B4GALT3: variants seen among roughly 807,000 people sequenced by gnomAD.
The protein encoded by B4GALT3 is N-acetyllactosamine synthase.
B4GALT3 carries 29 observed loss-of-function variants against 40.7 expected under a neutral mutation model. The ratio of observed to expected loss-of-function variants is 0.71; its 90% CI spans 0.53 to 0.97. The LOEUF is 0.97. B4GALT3 is among the 50% of genes least tolerant of loss of function. B4GALT3 has a pLI of 0.00. For synonymous variants in B4GALT3, 182 were observed against 203.9 expected, an observed-to-expected ratio of 0.89 and a Z score of 0.92; for missense variants, 390 against 522.3, an observed-to-expected ratio of 0.75 and a Z score of 2.47.
intron 1 of B4GALT3, chr1:161,177,222 A>T: frequency 1.4e-6 from 1 of 710,962 alleles, no homozygotes; most frequent in East Asian, 2.7e-5. Context: ...GCTCTTTCGG[A>T]GCACGCCCAT....
Position 161,173,607 on chromosome 1 carries a change from G to C in B4GALT3, c.801C>G (p.Thr267=). 1 of 1,613,866 alleles carries C rather than the reference G, an allele frequency of 6.2e-7. No homozygotes were observed. The highest frequency in any genetic ancestry group is 8.5e-7 in the Non-Finnish European group (1 of 1,180,006). The part of the protein sequence containing the change: ...GWGGEDDDIA[T]RVRLAGMKIS... Reference sequence around the variant, plus strand: ...GAGGAAGTGGCAGGAAGTCTGACCTGGTAGCAATGTCGTCATCCTCACCAC... The same window carrying C: ...GAGGAAGTGGCAGGAAGTCTGACCTCGTAGCAATGTCGTCATCCTCACCAC... The change falls in exon 6 of 8, where the codon ACC becomes ACG. Residue 267 remains threonine (T), a splice_region_variant and synonymous_variant. Transcript: ENST00000319769.
rs758094598 is a variant in B4GALT3, at chr1:161,175,117, C to G, written c.365G>C (p.Arg122Pro). Residue 122 changes from arginine to proline, a missense_variant, in exon 4 of 8, where the codon CGC (arginine) becomes CCC (proline). Arg to Pro is a moderately radical substitution (Grantham distance 103, BLOSUM62 -2). Transcript: ENST00000319769. ...AGGCACAATGATGGCTGTTCGGGAG[C>G]GGGGCTCACAACCTGCAGGGCGGTA... is the stretch of plus-strand genomic sequence containing the variant. ...GRYRPAGCEP[R>P]SRTAIIVPHR... 6.2e-7 allele frequency: 1 copy of G among 1,613,870 alleles called. No individual in the cohort carries two copies. Among genetic ancestry groups the G allele is most frequent in the Admixed American group, 1.7e-5 (1 of 59,998 alleles).
chr1:161,175,609 T>C (rs771471413), intron 3 of B4GALT3, among the ~76,000 whole-genome samples, 199 bp downstream of exon 3: 6 of 151,988 alleles, frequency 3.9e-5, no homozygotes, highest in East Asian at 1.9e-4. Flanking sequence ...GGAAACCCAA[T>C]AGTCTAATCT....
intron 5 of B4GALT3, 29 bp from the exon 6 acceptor site, chr1:161,173,756 C>T (rs761268452): frequency 9.9e-6 from 16 of 1,613,644 alleles, no homozygotes; most frequent in African/African-American, 5.3e-5. Context: ...TTGCATACCC[C>T]GAGTCTTCTG....
rs751099833 is a variant in B4GALT3, at chr1:161,172,013, G to A, written c.985C>T (p.Arg329Ter). The change falls in exon 8 of 8, where the codon CGA (arginine) becomes TGA (stop). Residue 329 changes from arginine to a stop codon, truncating the protein, a stop_gained. Transcript: ENST00000319769. LOFTEE classifies it high-confidence loss of function. Reference protein sequence around the residue: ...MNSLTYQLLARELGPLYTNIT... With the variant: ...MNSLTYQLLA ...TTGGTATAAAGAGGCCCCAGCTCTCGAGCCAGCAACTGGTATGTCAGTGAG... is the reference window on the plus strand; with the variant it reads ...TTGGTATAAAGAGGCCCCAGCTCTCAAGCCAGCAACTGGTATGTCAGTGAG... The A allele has an allele frequency of 5.6e-6, 9 of 1,614,206 alleles. No homozygotes were observed. The highest frequency in any genetic ancestry group is 7.6e-6 in the Non-Finnish European group (9 of 1,180,024).
In B4GALT3 at chr1:161,173,720, A is replaced by G; in HGVS notation, c.688T>C (p.Tyr230His). 1 of 1,614,160 alleles carries G rather than the reference A, an allele frequency of 6.2e-7. No homozygotes were observed. The highest frequency in any genetic ancestry group is 8.5e-7 in the Non-Finnish European group (1 of 1,180,024). ...GAGACTCCTCCGAAGTACTGGGGGT[A>G]CGGGAGGCTAGGGAGAGAAAGATCC... ...AMNKFGYSLP[Y>H]PQYFGGVSAL... The change falls in exon 6 of 8, where the codon TAC becomes CAC. Residue 230 changes from tyrosine to histidine, a missense_variant. This residue lies in a region of B4GALT3 where 135 missense variants were observed against 227.8 expected (regional missense o/e 0.59). Coordinates refer to ENST00000319769, the MANE Select transcript of B4GALT3 (RefSeq NM_003779.4).
In B4GALT3 at chr1:161,173,747, T is replaced by G; in HGVS notation, c.681-20A>C. On this transcript the variant is annotated intron_variant, in intron 5 of 7. Transcript: ENST00000319769. ...GGGAGGCTAGGGAGAGAAAGATCCT[T>G]GCATACCCCGAGTCTTCTGGGGACA... 6.2e-7 allele frequency: 1 copy of G among 1,614,010 alleles called. No individual in the cohort carries two copies. The highest frequency in any genetic ancestry group is 1.1e-5 in the South Asian group (1 of 91,080).
At chr1:161,172,456 G>A (rs764980240) in intron 6 of B4GALT3, 125 bp from the exon 7 acceptor site, 11 of 780,622 alleles carry the variant, frequency 1.4e-5, no homozygotes, top group Middle Eastern at 3.8e-4. Flanking sequence ...AAAAGCCCAG[G>A]ACAGAAGTCA....
At chr1:161,177,514 TC>T (rs1664073707), upstream of B4GALT3, 1 of 169,428 alleles carries the variant, frequency 5.9e-6, no homozygotes, top group East Asian at 1.7e-4. Context: ...GGGGGCGGGG[TC>T]TCGCGTCATG....
At chr1:161,172,724 C>T (rs1326588612) in intron 6 of B4GALT3, among the ~76,000 whole-genome samples, 1 of 152,132 alleles carries the variant, frequency 6.6e-6, no homozygotes, top group African/African-American at 2.4e-5. Context: ...TCTCCCACAT[C>T]CCCCATGTTA....
rs751401924 is a variant in B4GALT3 at position 161,173,988 on chromosome 1, C to T, written c.551G>A (p.Arg184His). Residue 184 changes from arginine (R) to histidine (H), a missense_variant, in exon 5 of 8, where the codon CGT becomes CAT. Around this residue, in one of 3 missense-constraint regions of B4GALT3, gnomAD observed 135 missense variants for 227.8 expected, o/e 0.59. Coordinates refer to ENST00000319769, the MANE Select transcript of B4GALT3 (RefSeq NM_003779.4). ...GAACAGGCAGTCCCACTCTTCATCACGCAGGGCCTCTCGCACCCCAACGTT... is the reference window on the plus strand; with the variant it reads ...GAACAGGCAGTCCCACTCTTCATCATGCAGGGCCTCTCGCACCCCAACGTT... ...LLNVGVREAL[R>H]DEEWDCLFLH... The T allele has an allele frequency of 2.0e-5, 33 of 1,614,008 alleles. No individual in the cohort carries two copies. The highest frequency in any genetic ancestry group is 1.6e-4 in the Middle Eastern group (1 of 6,084).
chr1:161,172,887 G>A (rs544892794), intron 6 of B4GALT3, among the ~76,000 whole-genome samples: 79 of 149,166 alleles, frequency 5.3e-4, no homozygotes, highest in Admixed American at 1.5e-3. Flanking sequence ...AAAAAAAAAC[G>A]AAAGAAAGAA....
intron 1 of B4GALT3, chr1:161,176,791 A>C (rs1259245827): frequency 6.8e-7 from 1 of 1,460,442 alleles, no homozygotes; most frequent in Non-Finnish European, 9.3e-7. Context: ...CCCCACCCCA[A>C]CAGGACAGAT....
chr1:161,174,854 G>A, intron 4 of B4GALT3, 139 bp downstream of exon 4: 1 of 847,590 alleles, frequency 1.2e-6, no homozygotes, highest in African/African-American at 1.7e-5. Context: ...GAAGAGCAGT[G>A]CCGGGTGCTT....
chr1:161,177,117 A>G, intron 1 of B4GALT3: 1 of 1,504,666 alleles, frequency 6.6e-7, no homozygotes, highest in Non-Finnish European at 8.9e-7. Flanking sequence ...CTGAAGAGAA[A>G]GGGAGAGGGA....
In B4GALT3 at chr1:161,171,636, A is replaced by T; in HGVS notation, c.*180T>A. 2.6e-6 allele frequency: 2 copies of T among 775,446 alleles called. No homozygotes were observed. The highest frequency in any genetic ancestry group is 4.0e-6 in the Non-Finnish European group (2 of 494,100). 48.0% of individuals were successfully genotyped at this position (775,446 alleles called of 1,614,324 possible). On this transcript the variant is annotated 3_prime_UTR_variant, in exon 8 of 8. Transcript: ENST00000319769. ...CCTACAGGAGACCCTAGAGAGAGGG[A>T]CCCCTCAGGTCTACAGGAGCCCAGC...
At position 161,177,470 on chromosome 1, in the gene B4GALT3, G is replaced by GCATCGCTGCCGC. The variant is rs1664049017; in HGVS notation, c.-220_-209dup. The GCATCGCTGCCGC allele has an allele frequency of 2.3e-5, 4 of 173,034 alleles. No homozygotes were observed. Among genetic ancestry groups the GCATCGCTGCCGC allele is most frequent in the Middle Eastern group, 5.6e-3 (2 of 358 alleles). The allele number at this position is 173,034 out of a possible 1,614,324, so 10.7% of individuals were successfully genotyped here. On this transcript the variant is annotated 5_prime_UTR_variant, in exon 1 of 8. The change creates a new upstream start codon in the 5' untranslated region. Transcript: ENST00000319769. ...CACCGCCACCCCAACAGCCGGGCAG[G>GCATCGCTGCCGC]CATCGCTGCCGCCATCTTGGAAGCG...
chr1:161,175,216 G>A lies in B4GALT3; in HGVS notation c.266C>T (p.Ser89Leu), dbSNP rs139221303. The A allele has an allele frequency of 1.4e-5, 22 of 1,612,314 alleles. No individual in the cohort carries two copies. Among genetic ancestry groups the A allele is most frequent in the Admixed American group, 3.4e-5 (2 of 59,382 alleles). Residue 89 changes from serine (S) to leucine (L), a missense_variant, in exon 4 of 8, where the codon TCG becomes TTG. By Grantham distance (145) the Ser-to-Leu change is moderately radical. Transcript: ENST00000319769. ...ERSPLLVGPV[S>L]VSFSPVPSLA... ...TGATGGCACTGGGCTAAAGGACACC[G>A]ACACAGGACCCACTGTTGGGAAGGA... is the stretch of plus-strand genomic sequence containing the variant.
rs763002200 is a variant in B4GALT3 at position 161,174,088 on chromosome 1, G to A, written c.490-39C>T. The stretch of plus-strand genomic sequence containing the variant: ...GAGGGGAACCAGACTATGTCTGTAG[G>A]TGGCACGGAGAAAAGGGGGCTAAAG... On this transcript the variant is annotated intron_variant, in intron 4 of 7. Coordinates refer to ENST00000319769, the MANE Select transcript of B4GALT3 (RefSeq NM_003779.4). 3 of 1,594,936 alleles carry A rather than the reference G, an allele frequency of 1.9e-6. No individual in the cohort carries two copies. The South Asian group carries it at 3.4e-5, about 18-fold the overall frequency.
Sources: gnomAD v4.1 joint callset for allele counts (sites outside exome capture counted in the v4.1 genomes callset) on GRCh38, gnomAD v4.1.1 for gene constraint, gnomAD v4.1.1 regional missense constraint, MANE v1.5 for transcripts, NCBI Gene and HGNC (gene_info 2026-07-23, HGNC 2026-07-21) for gene names.